FCGR2B: variants seen among roughly 807,000 people sequenced by gnomAD.
FCGR2B encodes low affinity immunoglobulin gamma Fc region receptor II-b.
A neutral mutation model predicts 24.8 loss-of-function variants in FCGR2B; 18 were observed. The ratio of observed to expected loss-of-function variants is 0.73; its 90% CI spans 0.50 to 1.08. FCGR2B has a LOEUF of 1.08. Among genes scored for constraint, FCGR2B ranks in the 50% least tolerant of loss-of-function variants. FCGR2B has a pLI of 0.00. For synonymous variants in FCGR2B, 79 were observed against 109.8 expected, an observed-to-expected ratio of 0.72 and a Z score of 1.75; for missense variants, 215 against 297.6, an observed-to-expected ratio of 0.72 and a Z score of 2.04.
At chr1:161,660,899 C>CAA (rs762110926), upstream of FCGR2B, among the ~76,000 whole-genome samples, 6 of 28,176 alleles carry the variant, frequency 2.1e-4, no homozygotes, top group East Asian at 2.6e-3. Context: ...ACTAAAAATA[C>CAA]AAAAAAAAAA....
intron 6 of FCGR2B, chr1:161,677,083 G>A: frequency 1.9e-6 from 1 of 525,006 alleles, no homozygotes; most frequent in Non-Finnish European, 3.3e-6. Flanking sequence ...TCCCTGAAAA[G>A]AATGCAGCTC....
chr1:161,656,087 G>C, the FCGR2B span, among the ~76,000 whole-genome samples: 24,537 of 115,856 alleles, frequency 0.21, 3,455 homozygotes, highest in Middle Eastern at 0.29. Flanking sequence ...AAACTCCTGA[G>C]CTGAGGTGAT....
At chr1:161,656,349 T>G in the FCGR2B span, among the ~76,000 whole-genome samples, 1 of 132,484 alleles carries the variant, frequency 7.5e-6, no homozygotes, top group African/African-American at 2.6e-5. Context: ...CTTTCTTACC[T>G]AGCAGAGTCA....
At chr1:161,654,009 G>A in the FCGR2B span, among the ~76,000 whole-genome samples, 3 of 132,928 alleles carry the variant, frequency 2.3e-5, no homozygotes, top group South Asian at 5.0e-4. Flanking sequence ...CAGTTTCCAA[G>A]CCTCCTGCCC....
At position 161,677,727 on chromosome 1, in the gene FCGR2B, C is replaced by T. The variant is rs997468791; in HGVS notation, c.*174C>T. The T allele has an allele frequency of 3.4e-5, 20 of 590,074 alleles. No individual in the cohort carries two copies. The highest frequency in any genetic ancestry group is 5.1e-5 in the Non-Finnish European group (17 of 335,944). The allele number at this position is 590,074 out of a possible 1,614,324, so 36.6% of individuals were successfully genotyped here. On this transcript the variant is annotated 3_prime_UTR_variant, in exon 8 of 8. Transcript: ENST00000358671. The stretch of plus-strand genomic sequence containing the variant: ...AGCTCCCTGTCCTGAAAGCCACAGA[C>T]AATATGGTCCCAAATAACCGACTGC...
the FCGR2B span, among the ~76,000 whole-genome samples, chr1:161,650,055 T>A: frequency 2.7e-5 from 4 of 150,736 alleles, no homozygotes; most frequent in East Asian, 7.8e-4. Flanking sequence ...TTGCCCAAGC[T>A]GGAGTGCAGT....
chr1:161,677,355 A>G lies in FCGR2B; in HGVS notation c.845A>G (p.Asp282Gly). The G allele has an allele frequency of 1.2e-6, 2 of 1,613,618 alleles. No homozygotes were observed. The highest frequency in any genetic ancestry group is 1.1e-5 in the South Asian group (1 of 91,016). The change falls in exon 7 of 8, where the codon GAC (aspartate) becomes GGC (glycine). Residue 282 changes from aspartate (D) to glycine (G), a missense_variant. This residue lies in a region of FCGR2B where 81 missense variants were observed against 81.6 expected (regional missense o/e 0.99). Transcript: ENST00000358671. ...AATCCCACTAATCCTGATGAGGCTGACAAAGTTGGGGTGAGTGATCCCAGC... is the reference window on the plus strand; with the variant it reads ...AATCCCACTAATCCTGATGAGGCTGGCAAAGTTGGGGTGAGTGATCCCAGC... ...PANPTNPDEA[D>G]KVGAENTITY...
chr1:161,672,896 T>A, intron 3 of FCGR2B, 79 bp from the exon 4 acceptor site: 1 of 1,584,904 alleles, frequency 6.3e-7, no homozygotes, highest in Non-Finnish European at 8.6e-7. Context: ...GCACATCGTG[T>A]CCCACCAGTA....
chr1:161,649,606 C>T, the FCGR2B span, among the ~76,000 whole-genome samples: 1 of 150,724 alleles, frequency 6.6e-6, no homozygotes, highest in Non-Finnish European at 1.5e-5. Context: ...TAGTTAAAGG[C>T]TTGTTTCAGC....
chr1:161,678,278 A>C lies in FCGR2B; in HGVS notation c.*725A>C, dbSNP rs922021020. On this transcript the variant is annotated 3_prime_UTR_variant, in exon 8 of 8. Coordinates refer to ENST00000358671, the MANE Select transcript of FCGR2B (RefSeq NM_001394477.1). ...TGTTTAGTTCAACAACAGACTGCATATATGATGGTGATCCCATAAAATTAT... is the reference window on the plus strand; with the variant it reads ...TGTTTAGTTCAACAACAGACTGCATCTATGATGGTGATCCCATAAAATTAT... 1.1e-4 allele frequency: 25 copies of C among 218,980 alleles called. No individual in the cohort carries two copies. The highest frequency in any genetic ancestry group is 1.7e-4 in the Non-Finnish European group (19 of 109,190). 13.6% of individuals were successfully genotyped at this position (218,980 alleles called of 1,614,324 possible). A position where few individuals can be genotyped will look rare whatever the true frequency, so the allele number is the denominator to read the frequency against.
intron 1 of FCGR2B, among the ~76,000 whole-genome samples, chr1:161,669,018 CT>C: frequency 9.2e-6 from 1 of 108,562 alleles, no homozygotes; most frequent in Non-Finnish European, 2.1e-5. Flanking sequence ...AGCTTTGCTT[CT>C]TTACCCAATA....
the FCGR2B span, among the ~76,000 whole-genome samples, chr1:161,648,482 CT>C: frequency 9.8e-4 from 146 of 149,590 alleles, 7 homozygotes; most frequent in African/African-American, 3.5e-3. Context: ...GACTTATTAT[CT>C]TTTTATGTGC....
chr1:161,648,579 T>C, the FCGR2B span, among the ~76,000 whole-genome samples: 6 of 151,156 alleles, frequency 4.0e-5, 1 homozygote, highest in Non-Finnish European at 8.8e-5. Context: ...TTCTCATTGA[T>C]TTTTAATAGT....
the FCGR2B span, among the ~76,000 whole-genome samples, chr1:161,650,042 C>T: frequency 2.4e-3 from 363 of 150,646 alleles, 19 homozygotes; most frequent in African/African-American, 8.3e-3. Context: ...GAGTCTCACT[C>T]TGTTGCCCAA....
intron 6 of FCGR2B, 145 bp from the exon 7 acceptor site, chr1:161,677,183 A>T: frequency 1.3e-6 from 1 of 760,182 alleles, no homozygotes; most frequent in Non-Finnish European, 2.3e-6. Context: ...ATATTTACCC[A>T]GTGCTTGGCC....
chr1:161,649,992 GAA>G, the FCGR2B span, among the ~76,000 whole-genome samples: 4 of 149,326 alleles, frequency 2.7e-5, no homozygotes, highest in South Asian at 6.4e-4. Context: ...TTTTGTTTTA[GAA>G]AAAAAAATAT....
intron 3 of FCGR2B, 105 bp from the exon 4 acceptor site, chr1:161,672,870 C>A (rs1681792919): frequency 1.3e-6 from 2 of 1,509,502 alleles, no homozygotes; most frequent in Admixed American, 2.1e-5. Flanking sequence ...GATTTCAGAC[C>A]TAAGCTGTTC....
At chr1:161,650,487 A>T in the FCGR2B span, among the ~76,000 whole-genome samples, 2 of 145,740 alleles carry the variant, frequency 1.4e-5, no homozygotes, top group African/African-American at 5.1e-5. Flanking sequence ...GGGCCAGATA[A>T]TTCTTTGTTG....
In FCGR2B at chr1:161,677,691, C is replaced by T; in HGVS notation, c.*138C>T. Reference sequence around the variant, plus strand: ...GAAGGTTTCTTCCAGAGTCATCTACCTGAGTCCTGAAGCTCCCTGTCCTGA... The same window carrying T: ...GAAGGTTTCTTCCAGAGTCATCTACTTGAGTCCTGAAGCTCCCTGTCCTGA... On this transcript the variant is annotated 3_prime_UTR_variant, in exon 8 of 8. Transcript: ENST00000358671. 1 of 678,864 alleles carries T rather than the reference C, an allele frequency of 1.5e-6. No homozygotes were observed. The highest frequency in any genetic ancestry group is 2.5e-6 in the Non-Finnish European group (1 of 397,202). 42.1% of individuals were successfully genotyped at this position (678,864 alleles called of 1,614,324 possible).
Sources: allele counts gnomAD v4.1 joint callset (sites outside exome capture counted in the v4.1 genomes callset), GRCh38; gene constraint gnomAD v4.1.1; regional missense constraint gnomAD v4.1.1; transcripts MANE v1.5; gene names NCBI Gene and HGNC (gene_info 2026-07-23, HGNC 2026-07-21).